TCF7L2: variants seen among roughly 807,000 people sequenced by gnomAD.
TCF7L2 encodes transcription factor 7-like 2.
In TCF7L2, 23 loss-of-function variants were observed where a neutral mutation model predicts 77.9. The observed-to-expected ratio is 0.30, with a 90% CI of 0.21 to 0.42. The LOEUF (loss-of-function observed/expected upper bound fraction) is 0.42, where lower values mean the gene tolerates loss of function less well. Ranked by LOEUF, TCF7L2 falls within the 10% of genes least tolerant of loss-of-function variation. TCF7L2 has a pLI of 1.00. For synonymous variants in TCF7L2, 413 were observed against 340.2 expected (o/e 1.21, Z -2.36); for missense variants, 654 against 793.1 (o/e 0.82, Z 2.11).
chr10:112,953,835 G>A (rs2032743860), intron 3 of TCF7L2, among the ~76,000 whole-genome samples: 1 of 152,170 alleles, frequency 6.6e-6, no homozygotes, highest in African/African-American at 2.4e-5. Context: ...ATAGCGGGTG[G>A]CCTGGTGCTG....
Position 113,034,033 on chromosome 10 carries a change from C to T in TCF7L2, c.451-5992C>T, listed in dbSNP as rs888232898. 6.6e-5 allele frequency among the ~76,000 whole-genome samples: 10 copies of T among 152,304 alleles called. No individual in the cohort carries two copies. In the East Asian group the frequency reaches 7.7e-4, roughly 12 times the overall value. On this transcript the variant is annotated intron_variant, in intron 4 of 13. Coordinates refer to ENST00000627217, the MANE Select transcript of TCF7L2 (RefSeq NM_001146274.2). ...TTCTGGGTAAATTGGGATTCCGTGA[C>T]GCCCAGGCAAAATTATTTGTTTATA...
rs777115170 is a variant in TCF7L2 at position 113,165,644 on chromosome 10, C to G, written c.1481C>G (p.Pro494Arg). 1 of 1,612,736 alleles carries G rather than the reference C, an allele frequency of 6.2e-7. No individual in the cohort carries two copies. Among genetic ancestry groups the G allele is most frequent in the East Asian group, 2.2e-5 (1 of 44,860 alleles). ...GATGGAAGCTTACTAGATTCGCCTC[C>G]CCCCTCCCCGAACCTGCTAGGCTCC... is the stretch of plus-strand genomic sequence containing the variant. The change falls in exon 14 of 14, where the codon CCC (proline) becomes CGC (arginine). Residue 494 changes from proline (P) to arginine (R), a missense_variant. By Grantham distance (103) the Pro-to-Arg change is moderately radical (BLOSUM62 -2). This residue lies in a region of TCF7L2 where 272 missense variants were observed against 215.4 expected (regional missense o/e 1.26). Transcript: ENST00000627217.
rs906701403 is a variant in TCF7L2, at chr10:113,020,170, A to G, written c.451-19855A>G. On this transcript the variant is annotated intron_variant, in intron 4 of 13. Transcript: ENST00000627217. ...TGAAGATAATGAGGTCAGTGAGGGC[A>G]GCCATGCTGCCTCACAGCTCACCTT... 7.2e-5 allele frequency among the ~76,000 whole-genome samples: 11 copies of G among 152,348 alleles called. No individual in the cohort carries two copies. The East Asian group carries it at 2.1e-3, about 29-fold the overall frequency.
intron 5 of TCF7L2, among the ~76,000 whole-genome samples, chr10:113,118,851 A>C (rs1242496595): frequency 6.6e-6 from 1 of 152,094 alleles, no homozygotes; most frequent in Non-Finnish European, 1.5e-5. Context: ...GATTAAAAAA[A>C]CAATTTCTAG....
chr10:113,143,905 T>G lies in TCF7L2; in HGVS notation c.686-18T>G. ...TTCTCTCCCTCCTTTGTACCTAAAA[T>G]GCTGCTTCTTCCCTCAGGAATCCCA... On this transcript the variant is annotated intron_variant, in intron 6 of 13. Transcript: ENST00000627217. 1 of 1,603,596 alleles carries G rather than the reference T, an allele frequency of 6.2e-7. No homozygotes were observed. The highest frequency in any genetic ancestry group is 8.5e-7 in the Non-Finnish European group (1 of 1,171,146).
chr10:113,037,230 C>A (rs2051457384), intron 4 of TCF7L2, among the ~76,000 whole-genome samples: 1 of 152,172 alleles, frequency 6.6e-6, no homozygotes, highest in African/African-American at 2.4e-5. Flanking sequence ...CCAAAAGGCA[C>A]TTCATCAGCC....
chr10:113,018,622 A>G (rs1309249129), intron 4 of TCF7L2, among the ~76,000 whole-genome samples: 1 of 151,814 alleles, frequency 6.6e-6, no homozygotes, highest in Non-Finnish European at 1.5e-5. Flanking sequence ...GCCCACTACC[A>G]TGCCTGGGTA....
chr10:113,158,960 A>C (rs1468865228), intron 12 of TCF7L2, among the ~76,000 whole-genome samples: 1 of 148,602 alleles, frequency 6.7e-6, no homozygotes, highest in East Asian at 1.9e-4. Context: ...CAGTGATGAC[A>C]GTGATTTAGA....
chr10:113,026,876 C>G (rs1407915372), intron 4 of TCF7L2, among the ~76,000 whole-genome samples: 1 of 152,210 alleles, frequency 6.6e-6, no homozygotes, highest in Non-Finnish European at 1.5e-5. Flanking sequence ...AATACCCAAA[C>G]TCGATGCTGT....
chr10:112,964,816 G>A (rs1339054252), intron 4 of TCF7L2, among the ~76,000 whole-genome samples, 192 bp downstream of exon 4: 13 of 148,176 alleles, frequency 8.8e-5, no homozygotes, highest in African/African-American at 3.3e-4. Flanking sequence ...TGGTGGTGGG[G>A]GGGGGTTGAA....
At chr10:112,969,102 A>T (rs2037667206) in intron 4 of TCF7L2, among the ~76,000 whole-genome samples, 2 of 152,140 alleles carry the variant, frequency 1.3e-5, no homozygotes, top group Admixed American at 1.3e-4. Flanking sequence ...GCTCCCCAGA[A>T]GTCTACCTTG....
chr10:113,128,551 C>T (rs966294543), intron 5 of TCF7L2, among the ~76,000 whole-genome samples: 2 of 152,184 alleles, frequency 1.3e-5, no homozygotes, highest in Middle Eastern at 3.2e-3. Flanking sequence ...ACTGGTCTTG[C>T]TTCAAGCCAC....
intron 5 of TCF7L2, among the ~76,000 whole-genome samples, chr10:113,102,111 CAAAAAAAAAAAA>C (rs139047649): frequency 3.5e-4 from 25 of 71,744 alleles, no homozygotes; most frequent in East Asian, 1.7e-3. Flanking sequence ...GTGACTCCAT[CAAAAAAAAAAAA>C]AAAAAAAAAA....
intron 5 of TCF7L2, among the ~76,000 whole-genome samples, chr10:113,122,224 T>G (rs142460146): frequency 6.6e-6 from 1 of 152,358 alleles, no homozygotes; most frequent in African/African-American, 2.4e-5. Context: ...CAACCTTTCT[T>G]AAATGATTTA....
chr10:113,130,032 T>G lies in TCF7L2; in HGVS notation c.553-11152T>G, dbSNP rs768199578. ...GTGTGTGTATGGGGGGATGTGTGTA[T>G]GTTCGTGTCCATGCTTATGGTATTG... is the stretch of plus-strand genomic sequence containing the variant. On this transcript the variant is annotated intron_variant, in intron 5 of 13. Coordinates refer to ENST00000627217, the MANE Select transcript of TCF7L2 (RefSeq NM_001146274.2). The G allele has an allele frequency of 4.2e-6, 5 of 1,193,850 alleles. No individual in the cohort carries two copies. In the Admixed American group the frequency reaches 1.4e-4, roughly 33 times the overall value. 74.0% of individuals were successfully genotyped at this position (1,193,850 alleles called of 1,614,324 possible).
At chr10:113,103,925 G>A (rs141657684) in intron 5 of TCF7L2, among the ~76,000 whole-genome samples, 1 of 152,218 alleles carries the variant, frequency 6.6e-6, no homozygotes, top group African/African-American at 2.4e-5. Context: ...CTGGGTCAGT[G>A]TAGCTGGGAC....
In TCF7L2 at chr10:112,978,130, A is replaced by G. The variant is rs1009516013; in HGVS notation, c.450+13506A>G. 5.3e-5 allele frequency among the ~76,000 whole-genome samples: 8 copies of G among 152,208 alleles called. No homozygotes were observed. The East Asian group carries it at 1.5e-3, about 29-fold the overall frequency. ...AAAGGACAGCTAAATTTAAATTGATATCTTGGGGCATTTGATTCTCTATTG... is the reference window on the plus strand; with the variant it reads ...AAAGGACAGCTAAATTTAAATTGATGTCTTGGGGCATTTGATTCTCTATTG... On this transcript the variant is annotated intron_variant, in intron 4 of 13. Transcript: ENST00000627217.
intron 5 of TCF7L2, among the ~76,000 whole-genome samples, chr10:113,121,633 T>C (rs1294448089): frequency 6.6e-6 from 1 of 152,094 alleles, no homozygotes; most frequent in African/African-American, 2.4e-5. Context: ...AATTTTATGA[T>C]TAGAGTAGTG....
At chr10:112,985,860 T>TTGTGTGTG (rs61481377) in intron 4 of TCF7L2, among the ~76,000 whole-genome samples, 2,394 of 146,674 alleles carry the variant, frequency 0.016, 28 homozygotes, top group Admixed American at 0.021. Flanking sequence ...AGCCTGTAGT[T>TTGTGTGTG]TGTGTGTGTG....
Sources: gnomAD v4.1 joint callset for allele counts (sites outside exome capture counted in the v4.1 genomes callset) on GRCh38, gnomAD v4.1.1 for gene constraint, gnomAD v4.1.1 regional missense constraint, MANE v1.5 for transcripts, NCBI Gene and HGNC (gene_info 2026-07-23, HGNC 2026-07-21) for gene names.